The following DYNC1I1 variants were observed in gnomAD, a reference collection of about 807,000 sequenced individuals.
The protein encoded by DYNC1I1 is cytoplasmic dynein 1 intermediate chain 1.
A neutral mutation model predicts 86.6 loss-of-function variants in DYNC1I1; 43 were observed. The ratio of observed to expected loss-of-function variants is 0.50; its 90% CI spans 0.39 to 0.64. The LOEUF is 0.64. Ranked by LOEUF, DYNC1I1 falls within the 30% of genes least tolerant of loss-of-function variation. DYNC1I1 has a pLI of 0.00. For synonymous variants in DYNC1I1, 262 were observed against 283.7 expected (o/e 0.92, Z 0.77); for missense variants, 604 against 788.8 (o/e 0.77, Z 2.81).
intron 1 of DYNC1I1, among the ~76,000 whole-genome samples, chr7:95,773,392 G>T (rs1441927469): frequency 2.6e-5 from 4 of 152,142 alleles, no homozygotes; most frequent in Non-Finnish European, 5.9e-5. Flanking sequence ...CGGCCGCCTG[G>T]CTCTCCTTCC....
chr7:95,800,377 T>A (rs1010716132), intron 1 of DYNC1I1, among the ~76,000 whole-genome samples: 1 of 151,924 alleles, frequency 6.6e-6, no homozygotes, highest in Non-Finnish European at 1.5e-5. Context: ...ATAGTAAAGC[T>A]GGAGGGTTTG....
downstream of DYNC1I1, among the ~76,000 whole-genome samples, chr7:96,101,082 A>G (rs966856791): frequency 1.3e-5 from 2 of 152,132 alleles, no homozygotes; most frequent in African/African-American, 4.8e-5. Flanking sequence ...CCCCAGAGTA[A>G]TAGTGGCTAG....
At chr7:95,973,254 T>C (rs1380734031) in intron 6 of DYNC1I1, among the ~76,000 whole-genome samples, 4 of 152,164 alleles carry the variant, frequency 2.6e-5, no homozygotes, top group Non-Finnish European at 5.9e-5. Flanking sequence ...TAAAGAAAAA[T>C]ATACTCTCTT....
At chr7:95,878,551 A>G (rs1374945398) in intron 6 of DYNC1I1, among the ~76,000 whole-genome samples, 1 of 152,190 alleles carries the variant, frequency 6.6e-6, no homozygotes. Flanking sequence ...GAAAGGATAA[A>G]CAATGAAGAA....
rs142182653 is a variant in DYNC1I1, at chr7:95,880,640, C to CT, written c.490+10665dup. Among the ~76,000 whole-genome samples the CT allele has an allele frequency of 3.9e-3, 361 of 92,542 alleles. 4 individuals carry two copies. Among genetic ancestry groups the CT allele is most frequent in the African/African-American group, 0.013 (327 of 25,220 alleles). The allele number at this position is 92,542 out of a possible 152,430, so 60.7% of individuals were successfully genotyped here. On this transcript the variant is annotated intron_variant, in intron 6 of 16. Transcript: ENST00000447467. ...TTTCTTCATAACCTACATCTTCTTA[C>CT]TTTTTTTTTTTTTTTTTTTTTTTGA...
intron 7 of DYNC1I1, 88 bp downstream of exon 7, chr7:95,977,689 A>G: frequency 1.6e-6 from 2 of 1,254,478 alleles, no homozygotes; most frequent in Non-Finnish European, 2.2e-6. Flanking sequence ...AGCTAAGTAA[A>G]AATTGAATTT....
At chr7:95,979,014 T>G (rs1793385014) in intron 7 of DYNC1I1, among the ~76,000 whole-genome samples, 1 of 152,178 alleles carries the variant, frequency 6.6e-6, no homozygotes, top group African/African-American at 2.4e-5. Flanking sequence ...CAGGCTGGTC[T>G]CGAACTCCTG....
At chr7:95,840,693 G>A (rs1008248116) in intron 5 of DYNC1I1, among the ~76,000 whole-genome samples, 1 of 152,162 alleles carries the variant, frequency 6.6e-6, no homozygotes. Flanking sequence ...GTCTATAAGA[G>A]TCAATCTTCA....
At chr7:96,006,732 T>C (rs947470732) in intron 10 of DYNC1I1, among the ~76,000 whole-genome samples, 8 of 152,184 alleles carry the variant, frequency 5.3e-5, no homozygotes, top group Non-Finnish European at 1.0e-4. Flanking sequence ...CTCCAAACTA[T>C]CCTTTGTGCA....
intron 5 of DYNC1I1, among the ~76,000 whole-genome samples, chr7:95,862,981 G>T (rs559856076): frequency 3.9e-4 from 59 of 152,170 alleles, no homozygotes; most frequent in African/African-American, 1.3e-3. Flanking sequence ...TAAAAATTGT[G>T]ATATTGTTTA....
intron 9 of DYNC1I1, among the ~76,000 whole-genome samples, chr7:95,989,710 C>T (rs929325315): frequency 2.6e-5 from 4 of 152,200 alleles, no homozygotes; most frequent in Admixed American, 2.6e-4. Flanking sequence ...ATAACAGAAA[C>T]TCTACCATGG....
At chr7:96,078,297 T>TTG (rs1790403793) in intron 15 of DYNC1I1, among the ~76,000 whole-genome samples, 1 of 152,170 alleles carries the variant, frequency 6.6e-6, no homozygotes, top group African/African-American at 2.4e-5. Context: ...ATTAAAATGA[T>TTG]TGAGCCAGGA....
intron 6 of DYNC1I1, among the ~76,000 whole-genome samples, chr7:95,897,181 A>G (rs964314239): frequency 4.6e-5 from 7 of 152,214 alleles, no homozygotes; most frequent in Admixed American, 4.6e-4. Flanking sequence ...GCACATGGTC[A>G]TTAACATCTA....
At chr7:95,935,033 A>G (rs570423781) in intron 6 of DYNC1I1, among the ~76,000 whole-genome samples, 14 of 151,790 alleles carry the variant, frequency 9.2e-5, no homozygotes, top group Non-Finnish European at 1.9e-4. Context: ...TGTACCATAA[A>G]TTATTGTTAA....
In DYNC1I1 at chr7:95,869,999, GTAAAC is replaced by G. The variant is rs1790120381; in HGVS notation, c.490+4_490+8del. ...CCTCTTGCCACGCATCAGTCTGAAG[GTAAAC>G]TATGTCTTTGGCTTACTTTCCATAT... On this transcript the variant is annotated splice_donor_variant and splice_donor_5th_base_variant and intron_variant, in intron 6 of 16. Transcript: ENST00000447467. LOFTEE classifies it high-confidence loss of function. 9 of 1,608,840 alleles carry G rather than the reference GTAAAC, an allele frequency of 5.6e-6. No homozygotes were observed. The highest frequency in any genetic ancestry group is 1.3e-5 in the African/African-American group (1 of 74,658).
chr7:95,943,374 G>A (rs1251203207), intron 6 of DYNC1I1, among the ~76,000 whole-genome samples: 1 of 151,734 alleles, frequency 6.6e-6, no homozygotes, highest in Non-Finnish European at 1.5e-5. Flanking sequence ...AAATAAAAGA[G>A]GATAGAAAGA....
intron 1 of DYNC1I1, among the ~76,000 whole-genome samples, chr7:95,785,761 A>T (rs1195704902): frequency 7.9e-6 from 1 of 126,736 alleles, no homozygotes. Flanking sequence ...GTATGTATAT[A>T]TATGTGTGTA....
chr7:96,047,424 G>A (rs1219048735), intron 14 of DYNC1I1, among the ~76,000 whole-genome samples: 2 of 152,144 alleles, frequency 1.3e-5, no homozygotes, highest in East Asian at 3.9e-4. Flanking sequence ...TGCAATCTTG[G>A]ACCTGCTGAT....
In DYNC1I1 at chr7:95,823,952, C is replaced by CTATATATATATATATATATATATATATA. The variant is rs71127429; in HGVS notation, c.315-4078_315-4077insATATATATATATATATATATATATATAT. 1.7e-3 allele frequency among the ~76,000 whole-genome samples: 132 copies of CTATATATATATATATATATATATATATA among 77,762 alleles called. 2 individuals are homozygous for CTATATATATATATATATATATATATATA. The highest frequency in any genetic ancestry group is 3.6e-3 in the African/African-American group (55 of 15,076). The allele number at this position is 77,762 out of a possible 152,430, so 51.0% of individuals were successfully genotyped here. ...TTACTTTCAGATTTGTTCTACTAAA[C>CTATATATATATATATATATATATATATA]TATATATATATATATATATATATAT... On this transcript the variant is annotated intron_variant, in intron 4 of 16. Coordinates refer to ENST00000447467, the MANE Select transcript of DYNC1I1 (RefSeq NM_001135556.2).
Sources: gnomAD v4.1 joint callset for allele counts (sites outside exome capture counted in the v4.1 genomes callset) on GRCh38, gnomAD v4.1.1 for gene constraint, MANE v1.5 for transcripts, NCBI Gene and HGNC (gene_info 2026-07-23, HGNC 2026-07-21) for gene names.